RALYL: variants seen among roughly 807,000 people sequenced by gnomAD.
The protein encoded by RALYL is RNA-binding Raly-like protein.
Under a neutral mutation model 35.1 loss-of-function variants are expected in RALYL, and 29 were observed. The ratio of observed to expected loss-of-function variants is 0.83; its 90% confidence interval spans 0.61 to 1.13. The LOEUF (loss-of-function observed/expected upper bound fraction) is 1.13, where lower values mean the gene tolerates loss of function less well. Ranked by LOEUF, RALYL falls within the 50% of genes most tolerant of loss-of-function variation. RALYL has a pLI of 0.00. For missense variants in RALYL, 359 were observed against 360.4 expected, an observed-to-expected ratio of 1.00 and a Z score of 0.03; for synonymous variants, 120 against 127.6, an observed-to-expected ratio of 0.94 and a Z score of 0.40.
At chr8:84,393,896 AATG>A (rs1249843453) in intron 1 of RALYL, among the ~76,000 whole-genome samples, 2 of 152,152 alleles carry the variant, frequency 1.3e-5, no homozygotes, top group African/African-American at 4.8e-5. Context: ...GCATGCAAAT[AATG>A]ATAATTATTT....
intron 2 of RALYL, among the ~76,000 whole-genome samples, chr8:84,673,408 C>T (rs748509281): frequency 2.6e-5 from 4 of 152,014 alleles, no homozygotes; most frequent in Non-Finnish European, 4.4e-5. Flanking sequence ...GCTTTTGTTG[C>T]AATTGCTTTG....
intron 4 of RALYL, among the ~76,000 whole-genome samples, chr8:84,844,498 G>A (rs546748833): frequency 6.6e-6 from 1 of 152,300 alleles, no homozygotes; most frequent in African/African-American, 2.4e-5. Flanking sequence ...TGGAGAAATA[G>A]GAACACTTTT....
chr8:84,352,111 T>A (rs1392815587), intron 1 of RALYL, among the ~76,000 whole-genome samples: 1 of 150,492 alleles, frequency 6.6e-6, no homozygotes, highest in Non-Finnish European at 1.5e-5. Flanking sequence ...GAAATTTTTA[T>A]CCACAATATA....
At chr8:84,433,807 ATGTGTGCG>A (rs202196699) in intron 1 of RALYL, among the ~76,000 whole-genome samples, 49 of 116,430 alleles carry the variant, frequency 4.2e-4, no homozygotes, top group African/African-American at 1.0e-3. Context: ...GTGTGCATGT[ATGTGTGCG>A]TGTGTGTGTG....
chr8:84,289,609 A>C (rs1265321821), intron 1 of RALYL, among the ~76,000 whole-genome samples: 1 of 152,070 alleles, frequency 6.6e-6, no homozygotes, highest in Non-Finnish European at 1.5e-5. Context: ...CCAACATGAG[A>C]TTGTTAAAGA....
chr8:84,859,505 G>A (rs1563759071), intron 5 of RALYL, among the ~76,000 whole-genome samples: 2 of 151,956 alleles, frequency 1.3e-5, no homozygotes, highest in South Asian at 2.1e-4. Flanking sequence ...GCTGCCCAAC[G>A]TCCCATCAAA....
chr8:84,748,759 C>A (rs1359963492), intron 2 of RALYL, among the ~76,000 whole-genome samples: 1 of 151,978 alleles, frequency 6.6e-6, no homozygotes, highest in Non-Finnish European at 1.5e-5. Context: ...GATTTATGTA[C>A]CCATAATCAA....
chr8:84,557,896 G>A (rs2061239864), intron 2 of RALYL, among the ~76,000 whole-genome samples: 1 of 152,146 alleles, frequency 6.6e-6, no homozygotes, highest in Non-Finnish European at 1.5e-5. Flanking sequence ...CAGTCATTAG[G>A]AGCATTACTT....
intron 2 of RALYL, among the ~76,000 whole-genome samples, chr8:84,658,359 G>T (rs762377203): frequency 3.3e-5 from 5 of 152,108 alleles, no homozygotes; most frequent in Admixed American, 6.6e-5. Flanking sequence ...TACGCTGCAG[G>T]CTGCAACCTT....
intron 2 of RALYL, among the ~76,000 whole-genome samples, chr8:84,615,504 G>C (rs996934879): frequency 4.3e-5 from 6 of 140,732 alleles, no homozygotes; most frequent in Non-Finnish European, 9.2e-5. Flanking sequence ...TGATTAATCA[G>C]TTTAAACAGT....
chr8:84,770,322 T>C (rs1190743257), intron 2 of RALYL, among the ~76,000 whole-genome samples: 1 of 151,490 alleles, frequency 6.6e-6, no homozygotes, highest in Non-Finnish European at 1.5e-5. Context: ...TGTGTTGCTT[T>C]ACTTAGAATA....
At chr8:84,209,780 G>A (rs1819006470) in intron 1 of RALYL, among the ~76,000 whole-genome samples, 1 of 152,096 alleles carries the variant, frequency 6.6e-6, no homozygotes, top group African/African-American at 2.4e-5. Context: ...AGTAGATTTG[G>A]CATTCAAGTA....
At chr8:84,641,798 A>T (rs1281249305) in intron 2 of RALYL, among the ~76,000 whole-genome samples, 2 of 151,292 alleles carry the variant, frequency 1.3e-5, no homozygotes, top group Non-Finnish European at 3.0e-5. Flanking sequence ...TAAAAAAAAA[A>T]AAAAAAAAAA....
chr8:84,249,633 G>A (rs2131651877), intron 1 of RALYL, among the ~76,000 whole-genome samples: 1 of 152,168 alleles, frequency 6.6e-6, no homozygotes, highest in East Asian at 1.9e-4. Flanking sequence ...AAATAGTTGA[G>A]TACATATTTT....
chr8:84,748,096 G>A (rs563521306), intron 2 of RALYL, among the ~76,000 whole-genome samples: 8 of 151,928 alleles, frequency 5.3e-5, no homozygotes, highest in Non-Finnish European at 1.0e-4. Flanking sequence ...AGAATTCTTA[G>A]GTTGCAGGTA....
intron 2 of RALYL, among the ~76,000 whole-genome samples, chr8:84,747,221 G>T (rs1300967934): frequency 6.6e-6 from 1 of 151,512 alleles, no homozygotes; most frequent in Non-Finnish European, 1.5e-5. Context: ...TCTGAATTTT[G>T]ATACCCTTAC....
At chr8:84,630,731 TG>T (rs1823732554) in intron 2 of RALYL, among the ~76,000 whole-genome samples, 1 of 152,060 alleles carries the variant, frequency 6.6e-6, no homozygotes, top group Admixed American at 6.6e-5. Flanking sequence ...CTGTATTCCC[TG>T]TGCCCAGCTC....
chr8:84,399,489 A>G (rs1169499389), intron 1 of RALYL, among the ~76,000 whole-genome samples: 1 of 152,196 alleles, frequency 6.6e-6, no homozygotes, highest in Non-Finnish European at 1.5e-5. Flanking sequence ...AATTGTCAAC[A>G]ATTTACATGC....
intron 2 of RALYL, among the ~76,000 whole-genome samples, chr8:84,716,603 T>C (rs1392791132): frequency 6.6e-6 from 1 of 152,172 alleles, no homozygotes; most frequent in Non-Finnish European, 1.5e-5. Context: ...ACTTGTAACA[T>C]AGATGATACA....
Sources: gnomAD v4.1 joint callset for allele counts (sites outside exome capture counted in the v4.1 genomes callset) on GRCh38, gnomAD v4.1.1 for gene constraint, MANE v1.5 for transcripts, NCBI Gene and HGNC (gene_info 2026-07-23, HGNC 2026-07-21) for gene names.